Variants in GALNT14 observed in about 807,000 individuals in gnomAD.
GALNT14 encodes polypeptide N-acetylgalactosaminyltransferase 14, also known as UDP-GalNAc:polypeptide N-acetylgalactosaminyltransferase 14.
GALNT14 carries 60 observed loss-of-function variants against 77.5 expected under a neutral mutation model. That is an observed-to-expected ratio of 0.77 (90% CI 0.63 to 0.96). The LOEUF is 0.96. GALNT14 is among the 40% of genes least tolerant of loss of function. The pLI, the probability that GALNT14 is intolerant of heterozygous loss-of-function variation, is 0.00. For synonymous variants in GALNT14, 280 were observed against 281.7 expected (o/e 0.99, Z 0.06); for missense variants, 710 against 731.0 (o/e 0.97, Z 0.33).
chr2:31,075,238 G>C (rs182760593), intron 1 of GALNT14, among the ~76,000 whole-genome samples: 3 of 152,180 alleles, frequency 2.0e-5, no homozygotes, highest in Admixed American at 6.5e-5. Context: ...TGAGGTCCTC[G>C]CCTGAAGTAG....
At chr2:31,013,457 A>G (rs1671161413) in intron 1 of GALNT14, among the ~76,000 whole-genome samples, 1 of 152,206 alleles carries the variant, frequency 6.6e-6, no homozygotes, top group African/African-American at 2.4e-5. Flanking sequence ...ACAGAAGGGG[A>G]AATGTTCAGC....
the GALNT14 span, among the ~76,000 whole-genome samples, chr2:30,888,663 T>C: frequency 6.6e-5 from 10 of 152,038 alleles, no homozygotes; most frequent in Non-Finnish European, 1.2e-4. Context: ...GGAAGTTGCC[T>C]ACCTGAAAGG....
intron 1 of GALNT14, among the ~76,000 whole-genome samples, chr2:31,124,099 C>T (rs1678565349): frequency 6.6e-6 from 1 of 152,164 alleles, no homozygotes; most frequent in Admixed American, 6.5e-5. Flanking sequence ...ATGGGTTTGC[C>T]GGATGTTCGG....
chr2:31,040,715 G>A (rs1476171899), intron 1 of GALNT14, among the ~76,000 whole-genome samples: 1 of 152,172 alleles, frequency 6.6e-6, no homozygotes, highest in Non-Finnish European at 1.5e-5. Flanking sequence ...ACAATCCTAG[G>A]TGAATGGGAG....
At chr2:31,129,719 A>C in intron 1 of GALNT14, 1 of 285,056 alleles carries the variant, frequency 3.5e-6, no homozygotes, top group Non-Finnish European at 5.1e-6. Context: ...TATGGCTGGG[A>C]GGTGGGGGGT....
At chr2:30,925,199 T>C (rs1665296122) in intron 11 of GALNT14, among the ~76,000 whole-genome samples, 1 of 152,228 alleles carries the variant, frequency 6.6e-6, no homozygotes, top group Non-Finnish European at 1.5e-5. Context: ...CTTTGGATTC[T>C]GCAGCCGAAA....
chr2:31,038,750 T>TA (rs1248094002), intron 1 of GALNT14, among the ~76,000 whole-genome samples: 1 of 150,852 alleles, frequency 6.6e-6, no homozygotes, highest in Non-Finnish European at 1.5e-5. Flanking sequence ...TTCAGCAATT[T>TA]TTTTTTTTTT....
At chr2:31,085,963 C>T (rs1216496429) in intron 1 of GALNT14, among the ~76,000 whole-genome samples, 2 of 152,188 alleles carry the variant, frequency 1.3e-5, no homozygotes, top group Non-Finnish European at 2.9e-5. Context: ...GAACTAACTG[C>T]CCCTTATCAT....
chr2:30,938,084 G>A (rs1037071559), intron 9 of GALNT14, among the ~76,000 whole-genome samples: 3 of 146,946 alleles, frequency 2.0e-5, no homozygotes, highest in Non-Finnish European at 4.5e-5. Flanking sequence ...AGCCGAGCCT[G>A]GCATAGCCTG....
chr2:30,997,646 G>C (rs1670118051), intron 1 of GALNT14, among the ~76,000 whole-genome samples: 1 of 152,154 alleles, frequency 6.6e-6, no homozygotes, highest in Non-Finnish European at 1.5e-5. Flanking sequence ...TGTTTCAAAA[G>C]TATGATGCCA....
At chr2:31,115,520 T>C (rs1409969906) in intron 1 of GALNT14, among the ~76,000 whole-genome samples, 1 of 152,172 alleles carries the variant, frequency 6.6e-6, no homozygotes, top group African/African-American at 2.4e-5. Flanking sequence ...CAGTTAAATC[T>C]AATTAGGTAA....
chr2:30,927,064 G>A (rs1234747280), intron 11 of GALNT14, among the ~76,000 whole-genome samples: 2 of 152,172 alleles, frequency 1.3e-5, no homozygotes, highest in African/African-American at 4.8e-5. Context: ...GAATAATGCA[G>A]CAGAGGAGAG....
intron 13 of GALNT14, among the ~76,000 whole-genome samples, chr2:30,922,644 G>A (rs925306114): frequency 2.0e-5 from 3 of 152,174 alleles, no homozygotes; most frequent in Admixed American, 6.5e-5. Context: ...AAGTCCGGTT[G>A]GAAATCTTCC....
Position 30,987,932 on chromosome 2 carries a change from A to G in GALNT14, c.299+4906T>C, listed in dbSNP as rs1669411388. Among the ~76,000 whole-genome samples, 4 of 152,242 alleles carry G rather than the reference A, an allele frequency of 2.6e-5. No homozygotes were observed. In the South Asian group the frequency reaches 8.3e-4, roughly 31 times the overall value. On this transcript the variant is annotated intron_variant, in intron 2 of 14. Transcript: ENST00000349752. The stretch of plus-strand genomic sequence containing the variant: ...AATTGGAAGCAAATTTAATAAGCTC[A>G]GACCCCTCCCACATGCGGTTTCTTC...
chr2:31,001,990 T>C (rs963150338), intron 1 of GALNT14, among the ~76,000 whole-genome samples: 1 of 151,974 alleles, frequency 6.6e-6, no homozygotes, highest in African/African-American at 2.4e-5. Flanking sequence ...CCCAAGAAAA[T>C]TGTTTATAAT....
chr2:31,039,684 CTT>C, intron 1 of GALNT14, among the ~76,000 whole-genome samples: 1 of 151,692 alleles, frequency 6.6e-6, no homozygotes, highest in East Asian at 2.0e-4. Flanking sequence ...TAGAAGATCT[CTT>C]TTTTTTTCTT....
intron 1 of GALNT14, among the ~76,000 whole-genome samples, chr2:31,004,175 T>A (rs886618769): frequency 4.6e-5 from 7 of 152,128 alleles, no homozygotes; most frequent in African/African-American, 1.7e-4. Context: ...GGCAAGCTGG[T>A]CACTGGAACA....
rs148054337 is a variant in GALNT14 at position 30,938,185 on chromosome 2, T to G, written c.931+4016A>C. 8.6e-3 allele frequency among the ~76,000 whole-genome samples: 1,310 copies of G among 152,106 alleles called. 11 individuals are homozygous for G. Among genetic ancestry groups the G allele is most frequent in the African/African-American group, 0.028 (1,145 of 41,466 alleles). On this transcript the variant is annotated intron_variant, in intron 9 of 14. Coordinates refer to ENST00000349752, the MANE Select transcript of GALNT14 (RefSeq NM_024572.4). ...TCTCTTCTCGGCAGCCTTTTGTGCC[T>G]GCTGTGCTTTGGAAATCCCCCATTT...
At chr2:31,102,184 A>AT (rs1194684976) in intron 1 of GALNT14, among the ~76,000 whole-genome samples, 2 of 150,888 alleles carry the variant, frequency 1.3e-5, no homozygotes, top group South Asian at 2.1e-4. Flanking sequence ...TCTTTTATTT[A>AT]TTTTTTTCTG....
Sources: gnomAD v4.1 joint callset for allele counts (sites outside exome capture counted in the v4.1 genomes callset) on GRCh38, gnomAD v4.1.1 for gene constraint, MANE v1.5 for transcripts, NCBI Gene and HGNC (gene_info 2026-07-23, HGNC 2026-07-21) for gene names.